Variants in SH3YL1 observed in about 807,000 individuals in gnomAD.
SH3YL1 encodes the protein SH3 and SYLF domain containing 1.
In SH3YL1, 41 loss-of-function variants were observed where a neutral mutation model predicts 45.8. The observed-to-expected ratio is 0.89, with a 90% CI of 0.70 to 1.16. SH3YL1 has a LOEUF of 1.16. Among genes scored for constraint, SH3YL1 ranks in the 50% most tolerant of loss-of-function variants. SH3YL1 has a pLI of 0.00. For synonymous variants in SH3YL1, 152 were observed against 151.4 expected, an observed-to-expected ratio of 1.00 and a Z score of -0.03; for missense variants, 389 against 409.6, an observed-to-expected ratio of 0.95 and a Z score of 0.43.
chr2:238,548 A>T (rs1309030935), intron 4 of SH3YL1, among the ~76,000 whole-genome samples: 1 of 152,178 alleles, frequency 6.6e-6, no homozygotes, highest in Non-Finnish European at 1.5e-5. Context: ...GTTTTTTCAA[A>T]TTCCAATCTT....
intron 4 of SH3YL1, among the ~76,000 whole-genome samples, chr2:244,139 C>T (rs539921647): frequency 5.3e-4 from 81 of 151,828 alleles, no homozygotes; most frequent in African/African-American, 1.6e-3. Flanking sequence ...AAAATGAGAG[C>T]GATGACAACC....
In SH3YL1 at chr2:259,843, C is replaced by G. The variant is rs1669510733; in HGVS notation, c.1+4141G>C. 2.0e-5 allele frequency: 3 copies of G among 150,808 alleles called. No homozygotes were observed. In the South Asian group the frequency reaches 6.3e-4, roughly 32 times the overall value. 9.3% of individuals were successfully genotyped at this position (150,808 alleles called of 1,614,324 possible). On this transcript the variant is annotated intron_variant, in intron 1 of 9. Transcript: ENST00000356150. ...CAGCTTTGTGTTACAGAAAGATAAA[C>G]TCCAAATTCATTGAAGATTTAGAGT... is the stretch of plus-strand genomic sequence containing the variant.
In SH3YL1 at chr2:231,613, A is replaced by G. The variant is rs1442579701; in HGVS notation, c.534-422T>C. 2.0e-5 allele frequency among the ~76,000 whole-genome samples: 3 copies of G among 152,214 alleles called. No homozygotes were observed. The East Asian group carries it at 5.8e-4, about 29-fold the overall frequency. On this transcript the variant is annotated intron_variant, in intron 6 of 9. Coordinates refer to ENST00000356150, the MANE Select transcript of SH3YL1 (RefSeq NM_015677.4). ...ACTGTGGCTTTGTAATTTCCTTAAA[A>G]TATTTATTTTTATCAAGATTAAATA...
chr2:224,906 A>G lies in SH3YL1; in HGVS notation c.796T>C (p.Tyr266His). 1.9e-6 allele frequency: 3 copies of G among 1,611,362 alleles called. No individual in the cohort carries two copies. Among genetic ancestry groups the G allele is most frequent in the Non-Finnish European group, 2.5e-6 (3 of 1,177,510 alleles). The change falls in exon 9 of 10, where the codon TAT becomes CAT. Residue 266 changes from tyrosine to histidine, a missense_variant. Transcript: ENST00000356150. ...NSGSQSNRNEYKLYPGLSSYH... is the reference protein window; with the variant it reads ...NSGSQSNRNEHKLYPGLSSYH... Reference sequence around the variant, plus strand: ...CTGGAAAGTCCAGGATAGAGCTTATATTCATTTCTGTTACCTGCCAAAAAA... The same window carrying G: ...CTGGAAAGTCCAGGATAGAGCTTATGTTCATTTCTGTTACCTGCCAAAAAA...
chr2:247,977 T>C (rs1439213910), intron 3 of SH3YL1, among the ~76,000 whole-genome samples: 1 of 152,188 alleles, frequency 6.6e-6, no homozygotes, highest in African/African-American at 2.4e-5. Flanking sequence ...AGCTAGAATT[T>C]TGTCACAGAT....
At chr2:231,297 A>G in intron 6 of SH3YL1, 106 bp from the exon 7 acceptor site, 2 of 793,216 alleles carry the variant, frequency 2.5e-6, no homozygotes, top group Admixed American at 5.4e-5. Flanking sequence ...TCATTCATAC[A>G]TAGCACTTCA....
intron 6 of SH3YL1, among the ~76,000 whole-genome samples, chr2:232,002 C>T (rs1311518572): frequency 6.6e-6 from 1 of 151,106 alleles, no homozygotes; most frequent in Non-Finnish European, 1.5e-5. Flanking sequence ...CCACGCGTGG[C>T]GAATTTGAAT....
chr2:237,174 C>T (rs1001429200), intron 4 of SH3YL1, among the ~76,000 whole-genome samples: 2 of 151,726 alleles, frequency 1.3e-5, no homozygotes, highest in African/African-American at 2.4e-5. Context: ...TACCCATGAC[C>T]TTGTAGCTAC....
Position 233,665 on chromosome 2 carries a change from T to A in SH3YL1, c.405-436A>T, listed in dbSNP as rs777603771. Among the ~76,000 whole-genome samples the A allele has an allele frequency of 6.6e-5, 10 of 152,324 alleles. No homozygotes were observed. The South Asian group carries it at 8.3e-4, about 13-fold the overall frequency. On this transcript the variant is annotated intron_variant, in intron 5 of 9. Transcript: ENST00000356150. ...AGATGATTTTACTGTGTAACTTCTATAAATAGTGTGGGTATAAAATATCTC... is the reference window on the plus strand; with the variant it reads ...AGATGATTTTACTGTGTAACTTCTAAAAATAGTGTGGGTATAAAATATCTC...
intron 6 of SH3YL1, among the ~76,000 whole-genome samples, chr2:232,458 T>C (rs1265531219): frequency 6.8e-6 from 1 of 147,862 alleles, no homozygotes; most frequent in Non-Finnish European, 1.5e-5. Flanking sequence ...TTTTTTTTAA[T>C]ATACTTTAAG....
chr2:243,371 G>A, intron 4 of SH3YL1: 1 of 907,614 alleles, frequency 1.1e-6, no homozygotes, highest in Non-Finnish European at 1.6e-6. Flanking sequence ...TCAAGGACAA[G>A]ATAAATTTGG....
At position 218,938 on chromosome 2, in the gene SH3YL1, TC is replaced by T; in HGVS notation, c.901del (p.Asp301IlefsTer2). On this transcript the variant is annotated frameshift_variant, in exon 10 of 10. Transcript: ENST00000356150. LOFTEE classifies it high-confidence loss of function. ...LYSFEGQQPG[D>X]LNFQAGDRIT... is the part of the protein sequence containing the mutation. ...TCTGTCTCCAGCTTGAAAATTCAAA[TC>T]CCCAGGCTGCTGTCCTTCAAATGAA... 6.2e-7 allele frequency: 1 copy of T among 1,614,082 alleles called. No homozygotes were observed. The highest frequency in any genetic ancestry group is 8.5e-7 in the Non-Finnish European group (1 of 1,180,000).
At chr2:253,170 AATTT>A in intron 1 of SH3YL1, 55 bp from the exon 2 acceptor site, 1 of 988,584 alleles carries the variant, frequency 1.0e-6, no homozygotes, top group Non-Finnish European at 1.5e-6. Flanking sequence ...AGAAGTGAGA[AATTT>A]ATTATTATTT....
At chr2:222,519 T>G (rs1667622516) in intron 9 of SH3YL1, 1 of 152,170 alleles carries the variant, frequency 6.6e-6, no homozygotes, top group South Asian at 2.1e-4. Context: ...AGTGCCCAGG[T>G]TGAGAAACCC....
At chr2:232,923 C>G in intron 6 of SH3YL1, 178 bp downstream of exon 6, 2 of 427,052 alleles carry the variant, frequency 4.7e-6, no homozygotes. Flanking sequence ...TTTCATGTGT[C>G]TTCTGCATTT....
intron 1 of SH3YL1, among the ~76,000 whole-genome samples, chr2:258,545 G>C (rs1044185545): frequency 2.0e-5 from 3 of 152,160 alleles, no homozygotes; most frequent in Admixed American, 1.3e-4. Context: ...TTACCATGTT[G>C]AGTGCCTAGA....
intron 3 of SH3YL1, among the ~76,000 whole-genome samples, chr2:248,412 T>C (rs74373034): frequency 6.6e-6 from 1 of 152,098 alleles, no homozygotes; most frequent in African/African-American, 2.4e-5. Context: ...CAGAAATTAG[T>C]GTCTGATAAT....
chr2:226,945 G>A (rs971457822), intron 8 of SH3YL1, among the ~76,000 whole-genome samples: 2 of 152,120 alleles, frequency 1.3e-5, no homozygotes, highest in Non-Finnish European at 2.9e-5. Context: ...AGTAACCATG[G>A]TGAAAAATGC....
At chr2:220,239 A>C (rs190970115) in intron 9 of SH3YL1, among the ~76,000 whole-genome samples, 2 of 151,844 alleles carry the variant, frequency 1.3e-5, no homozygotes, top group Admixed American at 6.6e-5. Flanking sequence ...ACCCATAAGA[A>C]ATAAAAATAG....
Sources: gnomAD v4.1 joint callset for allele counts (sites outside exome capture counted in the v4.1 genomes callset) on GRCh38, gnomAD v4.1.1 for gene constraint, MANE v1.5 for transcripts, NCBI Gene and HGNC (gene_info 2026-07-23, HGNC 2026-07-21) for gene names.